The following MAP4K2 variants were observed in gnomAD, a reference collection of about 807,000 sequenced individuals.
MAP4K2 encodes the protein B lymphocyte serine/threonine protein kinase.
In MAP4K2, 85 loss-of-function variants were observed where a neutral mutation model predicts 125.3. That is an observed-to-expected ratio of 0.68 (90% CI 0.57 to 0.81). The LOEUF (loss-of-function observed/expected upper bound fraction) is 0.81. Among genes scored for constraint, MAP4K2 ranks in the 40% least tolerant of loss-of-function variants. MAP4K2 has a pLI of 0.00. For synonymous variants in MAP4K2, 479 were observed against 445.1 expected, an observed-to-expected ratio of 1.08 and a Z score of -0.96; for missense variants, 923 against 1,056.4, an observed-to-expected ratio of 0.87 and a Z score of 1.75.
chr11:64,794,383 G>A (rs1279343607), intron 24 of MAP4K2, among the ~76,000 whole-genome samples: 10 of 149,922 alleles, frequency 6.7e-5, no homozygotes, highest in South Asian at 2.1e-4. Flanking sequence ...TTTTTGAGAC[G>A]GAGTCTTGCT....
At chr11:64,799,339 T>C in intron 14 of MAP4K2, 82 bp downstream of exon 14, 1 of 1,533,242 alleles carries the variant, frequency 6.5e-7, no homozygotes, top group Non-Finnish European at 8.9e-7. Flanking sequence ...CAAATCTCCC[T>C]TGATTTGAGC....
In MAP4K2 at chr11:64,787,591, T is replaced by TA. The variant is rs1940250231; in HGVS notation, c.*1945dup. Reference sequence around the variant, plus strand: ...AATACATAAATAAAATTTAAAGTGTTAGTCTCTCAGTGCATATTCCCTGGT... The same window carrying TA: ...AATACATAAATAAAATTTAAAGTGTTAAGTCTCTCAGTGCATATTCCCTGGT... On this transcript the variant is annotated 3_prime_UTR_variant, in exon 32 of 32. Transcript: ENST00000294066. 1 of 152,224 alleles carries TA rather than the reference T, an allele frequency of 6.6e-6. No homozygotes were observed. The highest frequency in any genetic ancestry group is 2.4e-5 in the African/African-American group (1 of 41,456). 9.4% of individuals were successfully genotyped at this position (152,224 alleles called of 1,614,324 possible). A position where few individuals can be genotyped will look rare whatever the true frequency, so the allele number is the denominator to read the frequency against.
At chr11:64,790,565 C>T (rs957647580) in intron 27 of MAP4K2, 103 bp from the exon 28 acceptor site, 4 of 1,068,188 alleles carry the variant, frequency 3.7e-6, no homozygotes, top group Non-Finnish European at 4.3e-6. Flanking sequence ...CATGAGGGCA[C>T]GTCAGCCTCA....
At chr11:64,795,080 G>A (rs966275534) in intron 24 of MAP4K2, among the ~76,000 whole-genome samples, 3 of 139,046 alleles carry the variant, frequency 2.2e-5, no homozygotes, top group East Asian at 2.4e-4. Context: ...CTAAGTTTTC[G>A]ATTTTTTTTT....
In MAP4K2 at chr11:64,787,062, C is replaced by A. The variant is rs1422570299; in HGVS notation, c.*2475G>T. The A allele has an allele frequency of 7.3e-6, 1 of 137,616 alleles. No individual in the cohort carries two copies. Among genetic ancestry groups the A allele is most frequent in the African/African-American group, 2.7e-5 (1 of 36,878 alleles). 8.5% of individuals were successfully genotyped at this position (137,616 alleles called of 1,614,324 possible). On this transcript the variant is annotated 3_prime_UTR_variant, in exon 32 of 32. Transcript: ENST00000294066. ...TTTTTTTTTTTGAGACGGAGTCTTG[C>A]ACTGTCGCCCAGGCTGGAGTGCAGT...
At position 64,785,272 on chromosome 11, in the gene MAP4K2, A is replaced by G. The variant is rs1412494085; in HGVS notation, c.*4265T>C. ...GGGCATGGGAAACTTTCCAGAGTGA[A>G]GGGGATGGTGATTATCTTGATTGTG... On this transcript the variant is annotated 3_prime_UTR_variant, in exon 32 of 32. Transcript: ENST00000294066. 3 of 152,266 alleles carry G rather than the reference A, an allele frequency of 2.0e-5. No individual in the cohort carries two copies. The highest frequency in any genetic ancestry group is 3.8e-4 in the East Asian group (2 of 5,204). The allele number at this position is 152,266 out of a possible 1,614,324, so 9.4% of individuals were successfully genotyped here.
chr11:64,790,087 TA>T lies in MAP4K2; in HGVS notation c.2248+100del. The T allele has an allele frequency of 2.0e-6, 3 of 1,528,748 alleles. No individual in the cohort carries two copies. The South Asian group carries it at 3.4e-5, about 18-fold the overall frequency. 94.7% of individuals were successfully genotyped at this position (1,528,748 alleles called of 1,614,324 possible). A position where few individuals can be genotyped will look rare whatever the true frequency, so the allele number is the denominator to read the frequency against. Reference sequence around the variant, plus strand: ...GACCAGGATGGCTCAGGAGAGGGGCTAGGGGATCTGCCTCCTCATCCTACCG... The same window carrying T: ...GACCAGGATGGCTCAGGAGAGGGGCTGGGGATCTGCCTCCTCATCCTACCG... On this transcript the variant is annotated intron_variant, in intron 29 of 31. Coordinates refer to ENST00000294066, the MANE Select transcript of MAP4K2 (RefSeq NM_004579.5).
Position 64,787,167 on chromosome 11 carries a change from T to G in MAP4K2, c.*2370A>C, listed in dbSNP as rs1212045432. 6.6e-6 allele frequency: 1 copy of G among 151,798 alleles called. No individual in the cohort carries two copies. The highest frequency in any genetic ancestry group is 1.5e-5 in the Non-Finnish European group (1 of 67,972). 9.4% of individuals were successfully genotyped at this position (151,798 alleles called of 1,614,324 possible). ...GCCTCAGCCTCCCGAGTAGCTGGGA[T>G]TACAGGCACTCGCCACCATGCCCAG... On this transcript the variant is annotated 3_prime_UTR_variant, in exon 32 of 32. Transcript: ENST00000294066.
intron 6 of MAP4K2, 34 bp downstream of exon 6, chr11:64,801,675 TC>T (rs761574938): frequency 6.2e-7 from 1 of 1,613,634 alleles, no homozygotes; most frequent in South Asian, 1.1e-5. Context: ...GGCCTCCTCC[TC>T]CCTCCCCAGG....
intron 4 of MAP4K2, 112 bp downstream of exon 4, chr11:64,802,307 G>C: frequency 3.3e-6 from 4 of 1,207,388 alleles, no homozygotes; most frequent in Non-Finnish European, 4.7e-6. Flanking sequence ...CACACAGCCA[G>C]GCAGGAGTGG....
chr11:64,795,795 G>A (rs1399267908), intron 24 of MAP4K2, among the ~76,000 whole-genome samples: 2 of 152,022 alleles, frequency 1.3e-5, no homozygotes, highest in South Asian at 4.1e-4. Context: ...CGGATTACAG[G>A]ATTGGGATTA....
At chr11:64,800,667 G>A in intron 10 of MAP4K2, 97 bp downstream of exon 10, 1 of 1,492,576 alleles carries the variant, frequency 6.7e-7, no homozygotes, top group South Asian at 1.2e-5. Flanking sequence ...AGAAAGGACA[G>A]GGCTCTTGGG....
Position 64,796,643 on chromosome 11 carries a change from C to A in MAP4K2, c.1563G>T (p.Thr521=), listed in dbSNP as rs181086388. The change falls in exon 22 of 32, where the codon ACG becomes ACT. Residue 521 remains threonine, a synonymous_variant. Coordinates refer to ENST00000294066, the MANE Select transcript of MAP4K2 (RefSeq NM_004579.5). ...TLNLHELHED[T]LEKLISHRCS... Reference sequence around the variant, plus strand: ...GCCAGCCGGGCCTCACCTTCTCCAGCGTATCCTCATGCAGTTCATGCAGGT... The same window carrying A: ...GCCAGCCGGGCCTCACCTTCTCCAGAGTATCCTCATGCAGTTCATGCAGGT... The A allele has an allele frequency of 2.5e-6, 4 of 1,614,120 alleles. No individual in the cohort carries two copies. Among genetic ancestry groups the A allele is most frequent in the South Asian group, 2.2e-5 (2 of 91,088 alleles).
chr11:64,797,401 C>T (rs893414527), intron 17 of MAP4K2, 21 bp from the exon 18 acceptor site: 3 of 1,565,740 alleles, frequency 1.9e-6, no homozygotes, highest in South Asian at 2.3e-5. Context: ...GGGCAGGGCC[C>T]AGCCCGGCCG....
rs1357995462 is a variant in MAP4K2, at chr11:64,786,502, C to T, written c.*3035G>A. ...TCCTCCGCCGTCCCGAAGCACACAT[C>T]ATGGTGCTCCCCTTGACTTTCACCA... On this transcript the variant is annotated 3_prime_UTR_variant, in exon 32 of 32. Transcript: ENST00000294066. 3 of 152,266 alleles carry T rather than the reference C, an allele frequency of 2.0e-5. No homozygotes were observed. The highest frequency in any genetic ancestry group is 4.4e-5 in the Non-Finnish European group (3 of 68,060). 9.4% of individuals were successfully genotyped at this position (152,266 alleles called of 1,614,324 possible).
Position 64,797,549 on chromosome 11 carries a change from T to C in MAP4K2, c.1137-15A>G. The C allele has an allele frequency of 6.4e-7, 1 of 1,571,942 alleles. No individual in the cohort carries two copies. The highest frequency in any genetic ancestry group is 8.6e-7 in the Non-Finnish European group (1 of 1,157,938). Reference sequence around the variant, plus strand: ...TAGTCAGACTCCTGTGGGAGGGAGATGAGGCGTGAGGCATGAGGTGTGACT... The same window carrying C: ...TAGTCAGACTCCTGTGGGAGGGAGACGAGGCGTGAGGCATGAGGTGTGACT... On this transcript the variant is annotated splice_polypyrimidine_tract_variant and intron_variant, in intron 16 of 31. Coordinates refer to ENST00000294066, the MANE Select transcript of MAP4K2 (RefSeq NM_004579.5).
chr11:64,791,337 C>T (rs566176491), intron 27 of MAP4K2, among the ~76,000 whole-genome samples: 7 of 152,330 alleles, frequency 4.6e-5, no homozygotes, highest in African/African-American at 1.7e-4. Context: ...GCCAGATCTG[C>T]CTCTTCCCTG....
chr11:64,803,003 G>A, intron 1 of MAP4K2, 51 bp downstream of exon 1: 3 of 1,574,324 alleles, frequency 1.9e-6, no homozygotes, highest in Non-Finnish European at 2.6e-6. Context: ...TCCTGCCGCG[G>A]GGTGCGGGGC....
rs780240623 is a variant in MAP4K2, at chr11:64,790,262, A to G, written c.2174T>C (p.Ile725Thr). ...CGTGGGCTCGCCCTGCATGTTGACAATCCTCACACAGCCTGCACAGGGAAG... is the reference window on the plus strand; with the variant it reads ...CGTGGGCTCGCCCTGCATGTTGACAGTCCTCACACAGCCTGCACAGGGAAG... ...ILVSFERCVRIVNMQGEPTAT... is the reference protein window; with the variant it reads ...ILVSFERCVRTVNMQGEPTAT... The change falls in exon 29 of 32, where the codon ATT (isoleucine) becomes ACT (threonine). Residue 725 changes from isoleucine (I) to threonine (T), a missense_variant. Ile to Thr is a moderately conservative substitution (Grantham distance 89). Around this residue, in one of 2 missense-constraint regions of MAP4K2, gnomAD observed 90 missense variants for 144.9 expected, o/e 0.62. Coordinates refer to ENST00000294066, the MANE Select transcript of MAP4K2 (RefSeq NM_004579.5). 7 of 1,614,000 alleles carry G rather than the reference A, an allele frequency of 4.3e-6. No homozygotes were observed. The highest frequency in any genetic ancestry group is 5.9e-6 in the Non-Finnish European group (7 of 1,179,998).
Sources: allele counts gnomAD v4.1 joint callset (sites outside exome capture counted in the v4.1 genomes callset), GRCh38; gene constraint gnomAD v4.1.1; regional missense constraint gnomAD v4.1.1; transcripts MANE v1.5; gene names NCBI Gene and HGNC (gene_info 2026-07-23, HGNC 2026-07-21).